The following PDE10A variants were observed in gnomAD, a reference collection of about 807,000 sequenced individuals.
The protein encoded by PDE10A is cAMP and cAMP-inhibited cGMP 3',5'-cyclic phosphodiesterase 10A.
In PDE10A, 39 loss-of-function variants were observed where a neutral mutation model predicts 97.7. The ratio of observed to expected loss-of-function variants is 0.40; its 90% CI spans 0.31 to 0.52. PDE10A has a LOEUF of 0.52. Among genes scored for constraint, PDE10A ranks in the 20% least tolerant of loss-of-function variants. The probability of loss-of-function intolerance (pLI) is 0.56; values close to 1 mark genes in which losing one functional copy is unlikely to be tolerated. For synonymous variants in PDE10A, 371 were observed against 376.8 expected, an observed-to-expected ratio of 0.98 and a Z score of 0.18; for missense variants, 731 against 1,047.8, an observed-to-expected ratio of 0.70 and a Z score of 4.17.
chr6:165,752,400 G>A (rs572033941), intron 1 of PDE10A, among the ~76,000 whole-genome samples: 2 of 152,266 alleles, frequency 1.3e-5, no homozygotes, highest in South Asian at 4.2e-4. Context: ...AGGATCCCGG[G>A]ACCATGTGTC....
At chr6:165,612,762 T>C (rs1242161843) in intron 1 of PDE10A, among the ~76,000 whole-genome samples, 1 of 152,214 alleles carries the variant, frequency 6.6e-6, no homozygotes, top group East Asian at 1.9e-4. Context: ...CCAGCAAGAC[T>C]GTCTCGCCTC....
At chr6:165,779,196 GT>G (rs1212120305) in intron 1 of PDE10A, among the ~76,000 whole-genome samples, 2 of 152,096 alleles carry the variant, frequency 1.3e-5, no homozygotes, top group African/African-American at 4.8e-5. Flanking sequence ...ACAAATTTTT[GT>G]TTTTTCCCCT....
rs10645551 is a variant in PDE10A, at chr6:165,448,709, A to AACACACACAC, written c.1194+209_1194+218dup. On this transcript the variant is annotated intron_variant, in intron 5 of 21. Coordinates refer to ENST00000539869, the MANE Select transcript of PDE10A (RefSeq NM_001385079.1). ...GGTACCACAAACCAAAGCCAAAGGA[A>AACACACACAC]ACACACACACACACACACACACACA... Among the ~76,000 whole-genome samples, 164 of 147,488 alleles carry AACACACACAC rather than the reference A, an allele frequency of 1.1e-3. 1 individual carries two copies. Among genetic ancestry groups the AACACACACAC allele is most frequent in the African/African-American group, 3.9e-3 (157 of 39,978 alleles).
chr6:165,900,498 A>C (rs763621346), intron 1 of PDE10A, among the ~76,000 whole-genome samples: 3 of 152,032 alleles, frequency 2.0e-5, no homozygotes, highest in Non-Finnish European at 2.9e-5. Flanking sequence ...AAAAATAAAA[A>C]AAAAAGACAT....
chr6:165,957,931 C>T (rs1161041610), intron 1 of PDE10A, among the ~76,000 whole-genome samples: 1 of 152,200 alleles, frequency 6.6e-6, no homozygotes, highest in Non-Finnish European at 1.5e-5. Flanking sequence ...TCTTTCAATT[C>T]CACACCTCTC....
In PDE10A at chr6:165,706,369, A is replaced by T. The variant is rs537465617; in HGVS notation, c.-614-162801T>A. ...TCTCAGTATCAGGACACAGGTTTCC[A>T]TGGGTCATGGACAGAAACATTCGGG... On this transcript the variant is annotated intron_variant, in intron 1 of 19. Transcript: ENST00000366882. Among the ~76,000 whole-genome samples the T allele has an allele frequency of 3.9e-5, 6 of 152,252 alleles. No homozygotes were observed. In the South Asian group the frequency reaches 1.2e-3, roughly 32 times the overall value.
chr6:165,959,213 T>C (rs1264175569), intron 1 of PDE10A, among the ~76,000 whole-genome samples: 2 of 152,134 alleles, frequency 1.3e-5, no homozygotes, highest in Non-Finnish European at 2.9e-5. Flanking sequence ...GGTGAGGCCA[T>C]TCCTAAAAAA....
rs375229275 is a variant in PDE10A at position 165,388,078 on chromosome 6, CAA to C, written c.2610+218_2610+219del. The stretch of plus-strand genomic sequence containing the variant: ...ACTTACTGATATAATGTTTAAAAAA[CAA>C]ATGTGATTGCAAAATACATATATTC... On this transcript the variant is annotated intron_variant, in intron 17 of 21. Transcript: ENST00000539869. The surrounding 1 kb of genome is among the most constrained non-coding windows in gnomAD (Gnocchi z 4.0). Among the ~76,000 whole-genome samples the C allele has an allele frequency of 1.1e-4, 16 of 152,246 alleles. No homozygotes were observed. In the East Asian group the frequency reaches 2.1e-3, roughly 20 times the overall value.
At chr6:165,837,218 CA>C (rs937315199) in intron 1 of PDE10A, among the ~76,000 whole-genome samples, 18 of 151,888 alleles carry the variant, frequency 1.2e-4, no homozygotes, top group African/African-American at 4.1e-4. Flanking sequence ...AAGAGTAATA[CA>C]AACTCCAAAT....
chr6:165,855,160 G>A (rs987354638), intron 1 of PDE10A, among the ~76,000 whole-genome samples: 6 of 152,164 alleles, frequency 3.9e-5, no homozygotes, highest in Admixed American at 1.3e-4. Context: ...ACCCTTTCCC[G>A]CGGGGCCCAC....
chr6:165,403,752 C>T (rs1171690497), intron 13 of PDE10A, among the ~76,000 whole-genome samples: 1 of 152,060 alleles, frequency 6.6e-6, no homozygotes, highest in African/African-American at 2.4e-5. Flanking sequence ...AATAAGAGAC[C>T]TGTAACCACC....
intron 1 of PDE10A, among the ~76,000 whole-genome samples, chr6:165,585,051 C>A (rs1003771444): frequency 3.3e-5 from 5 of 152,152 alleles, no homozygotes; most frequent in African/African-American, 1.2e-4. Context: ...GCTCTTATCC[C>A]TTATCATCTA....
intron 1 of PDE10A, among the ~76,000 whole-genome samples, chr6:165,978,979 A>C (rs1784927539): frequency 6.6e-6 from 1 of 152,230 alleles, no homozygotes; most frequent in Non-Finnish European, 1.5e-5. Context: ...AAGAAAATGT[A>C]ACAACATGTT....
chr6:165,719,019 T>A (rs184598433), intron 1 of PDE10A, among the ~76,000 whole-genome samples: 26 of 152,202 alleles, frequency 1.7e-4, no homozygotes, highest in African/African-American at 6.3e-4. Flanking sequence ...ATATAGGGGT[T>A]TTGGAAATTG....
At chr6:165,499,302 G>A (rs1268645315) in intron 2 of PDE10A, among the ~76,000 whole-genome samples, 1 of 152,078 alleles carries the variant, frequency 6.6e-6, no homozygotes, top group Non-Finnish European at 1.5e-5. Flanking sequence ...TCTCCAGAAG[G>A]AATGCAGCCT....
chr6:165,730,349 T>G (rs1792399335), intron 1 of PDE10A, among the ~76,000 whole-genome samples: 1 of 152,220 alleles, frequency 6.6e-6, no homozygotes, highest in African/African-American at 2.4e-5. Context: ...AAATCATTCC[T>G]TATCCTCGGT....
chr6:165,479,708 C>T lies in PDE10A; in HGVS notation c.1023+2607G>A, dbSNP rs540787655. On this transcript the variant is annotated intron_variant, in intron 3 of 21. Transcript: ENST00000539869. ...TATACTATGAGAACCTGAATACTGT[C>T]GATTTTGCTCACCATTGTATCCACA... is the stretch of plus-strand genomic sequence containing the variant. 7.9e-4 allele frequency among the ~76,000 whole-genome samples: 121 copies of T among 152,256 alleles called. 1 individual carries two copies. Among genetic ancestry groups the T allele is most frequent in the African/African-American group, 2.8e-3 (117 of 41,558 alleles).
intron 2 of PDE10A, among the ~76,000 whole-genome samples, chr6:165,482,653 G>A (rs1779674169): frequency 6.6e-6 from 1 of 152,146 alleles, no homozygotes; most frequent in Non-Finnish European, 1.5e-5. Context: ...CATACCTAAA[G>A]TGGGGTTTAT....
intron 2 of PDE10A, among the ~76,000 whole-genome samples, chr6:165,523,593 C>G (rs569278719): frequency 6.6e-6 from 1 of 152,098 alleles, no homozygotes; most frequent in Non-Finnish European, 1.5e-5. Context: ...TAGACCCCAA[C>G]CTATCACCAA....
Sources: allele counts gnomAD v4.1 joint callset (sites outside exome capture counted in the v4.1 genomes callset), GRCh38; gene constraint gnomAD v4.1.1; non-coding constraint Gnocchi (gnomAD v3.1); transcripts MANE v1.5; gene names NCBI Gene and HGNC (gene_info 2026-07-23, HGNC 2026-07-21).